FGGY: variants seen among roughly 807,000 people sequenced by gnomAD.
FGGY encodes FGGY carbohydrate kinase domain containing, also known as FGGY carbohydrate kinase domain-containing protein.
A neutral mutation model predicts 71.3 loss-of-function variants in FGGY; 72 were observed. That is an observed-to-expected ratio of 1.01 (90% CI 0.84 to 1.23). The LOEUF (loss-of-function observed/expected upper bound fraction) is 1.23, where lower values mean the gene tolerates loss of function less well. Among genes scored for constraint, FGGY ranks in the 50% most tolerant of loss-of-function variants. FGGY has a pLI of 0.00. For missense variants in FGGY, 668 were observed against 682.3 expected (o/e 0.98, Z 0.23); for synonymous variants, 251 against 250.3 (o/e 1.00, Z -0.02).
At chr1:59,732,481 A>G (rs2100971114) in intron 14 of FGGY, among the ~76,000 whole-genome samples, 1 of 152,300 alleles carries the variant, frequency 6.6e-6, no homozygotes, top group African/African-American at 2.4e-5. Flanking sequence ...AGGCACAGAA[A>G]AGGATGATCC....
intron 6 of FGGY, among the ~76,000 whole-genome samples, chr1:59,483,406 A>G (rs612121): frequency 0.076 from 11,499 of 152,226 alleles, 1,432 homozygotes; most frequent in African/African-American, 0.26. Context: ...CCTATCAACT[A>G]TGGAGAAAAC....
intron 8 of FGGY, among the ~76,000 whole-genome samples, chr1:59,594,503 G>A (rs375194724): frequency 8.0e-4 from 121 of 152,190 alleles, no homozygotes; most frequent in African/African-American, 2.9e-3. Context: ...CCTGACCTGG[G>A]TACACCCCAA....
chr1:59,553,999 C>A, intron 7 of FGGY, 125 bp from the exon 8 acceptor site: 1 of 748,930 alleles, frequency 1.3e-6, no homozygotes, highest in Non-Finnish European at 2.2e-6. Context: ...CTGCCCTACA[C>A]ACAGGACCCT....
intron 14 of FGGY, among the ~76,000 whole-genome samples, chr1:59,719,084 G>T (rs1311942064): frequency 3.3e-5 from 5 of 152,152 alleles, no homozygotes; most frequent in Admixed American, 2.6e-4. Flanking sequence ...ACTTTGAAAG[G>T]GACTGGACAG....
chr1:59,681,781 AAT>A (rs2097501442), intron 14 of FGGY, among the ~76,000 whole-genome samples: 1 of 121,766 alleles, frequency 8.2e-6, no homozygotes, highest in Non-Finnish European at 1.8e-5. Context: ...TGCCTTGAAA[AAT>A]ACACACACAC....
At chr1:59,385,259 A>G (rs1324861191) in intron 5 of FGGY, among the ~76,000 whole-genome samples, 1 of 151,662 alleles carries the variant, frequency 6.6e-6, no homozygotes. Context: ...ACTTTTCTTT[A>G]TCTGGGTCAC....
At chr1:59,382,374 C>T (rs371096524) in intron 5 of FGGY, among the ~76,000 whole-genome samples, 8 of 152,160 alleles carry the variant, frequency 5.3e-5, no homozygotes, top group East Asian at 1.9e-4. Context: ...AACCTCCTTG[C>T]GGTGAAACAA....
At chr1:59,583,737 C>T (rs2096234874) in intron 8 of FGGY, among the ~76,000 whole-genome samples, 1 of 142,330 alleles carries the variant, frequency 7.0e-6, no homozygotes, top group Non-Finnish European at 1.5e-5. Flanking sequence ...TGAACAGTCA[C>T]CCTCACCAAG....
intron 2 of FGGY, among the ~76,000 whole-genome samples, chr1:59,330,831 A>G (rs1485915447): frequency 6.6e-6 from 1 of 152,188 alleles, no homozygotes; most frequent in Non-Finnish European, 1.5e-5. Flanking sequence ...GCTGGCTCAG[A>G]CCAATGGGGA....
intron 6 of FGGY, among the ~76,000 whole-genome samples, chr1:59,507,230 G>T (rs1001328935): frequency 6.6e-6 from 1 of 152,190 alleles, no homozygotes; most frequent in African/African-American, 2.4e-5. Context: ...ACAGTTGGCC[G>T]CCTGTGGGTG....
chr1:59,632,677 A>T (rs545804960), intron 10 of FGGY, among the ~76,000 whole-genome samples: 2 of 152,314 alleles, frequency 1.3e-5, no homozygotes, highest in African/African-American at 4.8e-5. Flanking sequence ...TATCTCATTT[A>T]ATTCTAGATG....
intron 14 of FGGY, among the ~76,000 whole-genome samples, chr1:59,682,141 G>A (rs986667244): frequency 3.9e-5 from 6 of 152,142 alleles, no homozygotes; most frequent in African/African-American, 1.4e-4. Context: ...TTTTACAAAT[G>A]AGGAAACAGG....
At chr1:59,721,253 T>G (rs2097889648) in intron 14 of FGGY, among the ~76,000 whole-genome samples, 1 of 152,094 alleles carries the variant, frequency 6.6e-6, no homozygotes, top group Non-Finnish European at 1.5e-5. Context: ...ATATTTTATT[T>G]TAATAAACTT....
intron 5 of FGGY, among the ~76,000 whole-genome samples, chr1:59,403,681 C>T (rs1025711010): frequency 3.3e-5 from 5 of 152,320 alleles, no homozygotes; most frequent in Non-Finnish European, 7.3e-5. Flanking sequence ...GCACGTGAGT[C>T]TAGCCAGATC....
intron 14 of FGGY, among the ~76,000 whole-genome samples, chr1:59,749,784 G>T (rs1038828980): frequency 7.9e-5 from 12 of 152,206 alleles, no homozygotes; most frequent in African/African-American, 2.7e-4. Flanking sequence ...CCTATGAAAG[G>T]CATATTTTTA....
At chr1:59,627,489 T>TAC (rs34618549) in intron 10 of FGGY, among the ~76,000 whole-genome samples, 170 of 92,734 alleles carry the variant, frequency 1.8e-3, no homozygotes, top group African/African-American at 5.3e-3. Flanking sequence ...TATATATATA[T>TAC]ACACACACAC....
At chr1:59,467,014 G>A (rs960282502) in intron 6 of FGGY, among the ~76,000 whole-genome samples, 1 of 152,120 alleles carries the variant, frequency 6.6e-6, no homozygotes, top group Admixed American at 6.5e-5. Context: ...ATATACCCAC[G>A]GATTATACAT....
At chr1:59,419,057 A>T (rs1252680545) in intron 5 of FGGY, among the ~76,000 whole-genome samples, 2 of 152,172 alleles carry the variant, frequency 1.3e-5, no homozygotes, top group African/African-American at 4.8e-5. Flanking sequence ...GGCTGTAGAG[A>T]AGGCTAGGAA....
At position 59,728,435 on chromosome 1, in the gene FGGY, A is replaced by G. The variant is rs148543244; in HGVS notation, c.1513-29496A>G. Among the ~76,000 whole-genome samples, 417 of 152,228 alleles carry G rather than the reference A, an allele frequency of 2.7e-3. 2 individuals carry two copies. The highest frequency in any genetic ancestry group is 9.6e-3 in the African/African-American group (399 of 41,564). ...ACTTTAAACATATAATTATAGATCA[A>G]TTAAGAGTAAAAAGATGAAATATTA... On this transcript the variant is annotated intron_variant, in intron 14 of 15. Coordinates refer to ENST00000303721, the MANE Select transcript of FGGY (RefSeq NM_018291.5).
Sources: allele counts gnomAD v4.1 joint callset (sites outside exome capture counted in the v4.1 genomes callset), GRCh38; gene constraint gnomAD v4.1.1; transcripts MANE v1.5; gene names NCBI Gene and HGNC (gene_info 2026-07-23, HGNC 2026-07-21).